The following SNX24 variants were observed in gnomAD, a reference collection of about 807,000 sequenced individuals.
SNX24 encodes the protein sorting nexin-24.
Under a neutral mutation model 28.7 loss-of-function variants are expected in SNX24, and 22 were observed. The ratio of observed to expected loss-of-function variants is 0.77; its 90% CI spans 0.55 to 1.10. SNX24 has a LOEUF of 1.10. Among genes scored for constraint, SNX24 ranks in the 50% least tolerant of loss-of-function variants. The probability of loss-of-function intolerance (pLI) is 0.00; values close to 1 mark genes in which losing one functional copy is unlikely to be tolerated. For synonymous variants in SNX24, 69 were observed against 71.5 expected (o/e 0.96, Z 0.18); for missense variants, 221 against 201.1 (o/e 1.10, Z -0.60).
intron 2 of SNX24, among the ~76,000 whole-genome samples, chr5:122,942,683 T>C (rs1013798992): frequency 3.4e-4 from 52 of 152,226 alleles, no homozygotes; most frequent in Non-Finnish European, 7.6e-4. Context: ...CTGGTACTTA[T>C]CTGCGTGGAT....
intron 1 of SNX24, among the ~76,000 whole-genome samples, chr5:122,878,420 A>C (rs1321058198): frequency 6.6e-6 from 1 of 152,176 alleles, no homozygotes; most frequent in African/African-American, 2.4e-5. Flanking sequence ...TGCTTTGACT[A>C]TGAAAAGAGG....
At chr5:122,863,599 C>G (rs535151791) in intron 1 of SNX24, among the ~76,000 whole-genome samples, 1 of 151,746 alleles carries the variant, frequency 6.6e-6, no homozygotes, top group African/African-American at 2.4e-5. Context: ...GTGGTGCAAT[C>G]ATGACTTGCT....
At chr5:122,900,486 G>T (rs550990612) in intron 1 of SNX24, among the ~76,000 whole-genome samples, 1 of 152,116 alleles carries the variant, frequency 6.6e-6, no homozygotes, top group African/African-American at 2.4e-5. Context: ...ATAACTAAGG[G>T]CCTGGTGGAA....
chr5:122,928,727 G>T (rs1758817081), intron 1 of SNX24, among the ~76,000 whole-genome samples: 1 of 151,840 alleles, frequency 6.6e-6, no homozygotes, highest in South Asian at 2.1e-4. Context: ...TAGCCCATGA[G>T]ACTTGAACAG....
chr5:122,928,770 T>A (rs1758819136), intron 1 of SNX24, among the ~76,000 whole-genome samples: 1 of 151,852 alleles, frequency 6.6e-6, no homozygotes, highest in African/African-American at 2.4e-5. Flanking sequence ...ACTTCTGATC[T>A]GTAGTACTGT....
At chr5:122,901,675 C>T (rs1404515921) in intron 1 of SNX24, among the ~76,000 whole-genome samples, 1 of 152,190 alleles carries the variant, frequency 6.6e-6, no homozygotes, top group Non-Finnish European at 1.5e-5. Context: ...TTGGACTTTA[C>T]AGATTGATCT....
At chr5:122,911,687 T>G (rs1392712001) in intron 1 of SNX24, among the ~76,000 whole-genome samples, 2 of 135,168 alleles carry the variant, frequency 1.5e-5, no homozygotes, top group Non-Finnish European at 3.1e-5. Flanking sequence ...TTTCTACATA[T>G]GGCTAGCCAG....
At chr5:122,908,546 C>T (rs1196091546) in intron 1 of SNX24, among the ~76,000 whole-genome samples, 1 of 152,106 alleles carries the variant, frequency 6.6e-6, no homozygotes, top group Non-Finnish European at 1.5e-5. Flanking sequence ...AGCATAGTGA[C>T]TATATAGACT....
chr5:122,881,058 T>G (rs957450808), intron 1 of SNX24, among the ~76,000 whole-genome samples: 4 of 152,200 alleles, frequency 2.6e-5, no homozygotes, highest in Non-Finnish European at 1.5e-5. Flanking sequence ...TTTAATAGAT[T>G]CTGATGGTTT....
chr5:122,994,066 GTA>G (rs1187252663), intron 3 of SNX24, among the ~76,000 whole-genome samples: 1 of 152,162 alleles, frequency 6.6e-6, no homozygotes, highest in Non-Finnish European at 1.5e-5. Flanking sequence ...GTGTGTGTGT[GTA>G]TGTGTTTTGA....
chr5:123,003,827 G>A (rs1376580981), intron 6 of SNX24, among the ~76,000 whole-genome samples: 2 of 152,170 alleles, frequency 1.3e-5, no homozygotes, highest in African/African-American at 4.8e-5. Context: ...CAAAATAAGG[G>A]AACTCCTGTT....
chr5:122,853,537 A>G (rs1755036263), intron 1 of SNX24: 1 of 254,230 alleles, frequency 3.9e-6, no homozygotes, highest in East Asian at 9.8e-5. Flanking sequence ...GCACAAGAGG[A>G]TTGAATTTTG....
chr5:122,928,379 TG>T (rs1758798111), intron 1 of SNX24, among the ~76,000 whole-genome samples: 1 of 152,054 alleles, frequency 6.6e-6, no homozygotes, highest in South Asian at 2.1e-4. Flanking sequence ...AGAAGGGACT[TG>T]GTAAAAGAGT....
intron 1 of SNX24, among the ~76,000 whole-genome samples, chr5:122,894,816 G>A (rs903154475): frequency 6.6e-6 from 1 of 152,186 alleles, no homozygotes; most frequent in Non-Finnish European, 1.5e-5. Context: ...TCTGAGTGTT[G>A]ACTGCACATT....
chr5:122,952,120 G>A (rs907484024), intron 3 of SNX24, among the ~76,000 whole-genome samples: 10 of 152,116 alleles, frequency 6.6e-5, no homozygotes, highest in Non-Finnish European at 1.3e-4. Flanking sequence ...TTCATATGAA[G>A]ACTTGTGTCC....
In SNX24 at chr5:122,916,706, G is replaced by A. The variant is rs766125556; in HGVS notation, c.61-20028G>A. 4.1e-4 allele frequency among the ~76,000 whole-genome samples: 63 copies of A among 152,144 alleles called. 1 individual carries two copies. Among genetic ancestry groups the A allele is most frequent in the Non-Finnish European group, 8.4e-4 (57 of 68,034 alleles). ...AAGAGGCTGTTTACTTAACAGTGGT[G>A]TGTTGTCTGTTTTCCCAAAATACAA... On this transcript the variant is annotated intron_variant, in intron 1 of 6. Coordinates refer to ENST00000261369, the MANE Select transcript of SNX24 (RefSeq NM_014035.4).
chr5:122,898,917 C>A (rs1437162394), intron 1 of SNX24, among the ~76,000 whole-genome samples: 1 of 152,226 alleles, frequency 6.6e-6, no homozygotes, highest in African/African-American at 2.4e-5. Context: ...AGTTTAGGAA[C>A]TGGAGTCAGA....
At chr5:122,865,281 A>C (rs79169984) in intron 1 of SNX24, among the ~76,000 whole-genome samples, 1,895 of 152,320 alleles carry the variant, frequency 0.012, 42 homozygotes, top group African/African-American at 0.044. Flanking sequence ...TAATTAAAGA[A>C]AGGCAAAGTA....
chr5:122,886,610 C>T (rs1188365536), intron 1 of SNX24, among the ~76,000 whole-genome samples: 2 of 152,004 alleles, frequency 1.3e-5, no homozygotes, highest in Non-Finnish European at 2.9e-5. Flanking sequence ...GTCAGGAGTT[C>T]GAGACCAGCC....
Sources: gnomAD v4.1 joint callset for allele counts (sites outside exome capture counted in the v4.1 genomes callset) on GRCh38, gnomAD v4.1.1 for gene constraint, MANE v1.5 for transcripts, NCBI Gene and HGNC (gene_info 2026-07-23, HGNC 2026-07-21) for gene names.